The following CACNA2D1 variants were observed in gnomAD, a reference collection of about 807,000 sequenced individuals.
CACNA2D1 encodes the protein calcium voltage-gated channel auxiliary subunit alpha2delta 1.
In CACNA2D1, 53 loss-of-function variants were observed where a neutral mutation model predicts 171.5. The ratio of observed to expected loss-of-function variants is 0.31; its 90% CI spans 0.25 to 0.39. CACNA2D1 has a LOEUF of 0.39. CACNA2D1 is among the 10% of genes least tolerant of loss of function. The probability of loss-of-function intolerance (pLI) is 1.00; values close to 1 mark genes in which losing one functional copy is unlikely to be tolerated. For missense variants in CACNA2D1, 903 were observed against 1,299.8 expected, an observed-to-expected ratio of 0.69 and a Z score of 4.69; for synonymous variants, 442 against 443.1, an observed-to-expected ratio of 1.00 and a Z score of 0.03.
chr7:82,307,489 A>C (rs1054489601), intron 3 of CACNA2D1, among the ~76,000 whole-genome samples: 2 of 150,294 alleles, frequency 1.3e-5, no homozygotes, highest in Admixed American at 1.3e-4. Flanking sequence ...TAACTATATA[A>C]TTTATAAATT....
intron 3 of CACNA2D1, among the ~76,000 whole-genome samples, chr7:82,326,992 C>T (rs767210902): frequency 3.9e-5 from 6 of 152,260 alleles, no homozygotes; most frequent in East Asian, 3.9e-4. Context: ...CTTCGTATTG[C>T]GCCAAGCCAT....
At chr7:82,358,705 C>T (rs1382756201) in intron 1 of CACNA2D1, among the ~76,000 whole-genome samples, 1 of 151,342 alleles carries the variant, frequency 6.6e-6, no homozygotes, top group Non-Finnish European at 1.5e-5. Flanking sequence ...TGTGTGCGTG[C>T]ATCTGTGTGA....
At chr7:82,370,572 T>TGGATGGATGGATGGACGGAC (rs35737652) in intron 1 of CACNA2D1, among the ~76,000 whole-genome samples, 34 of 151,172 alleles carry the variant, frequency 2.2e-4, no homozygotes, top group Admixed American at 1.2e-3. Context: ...GATGGATGGA[T>TGGATGGATGGATGGACGGAC]GGATGGATAG....
At chr7:82,009,456 G>C (rs1416052685) in intron 15 of CACNA2D1, among the ~76,000 whole-genome samples, 1 of 151,968 alleles carries the variant, frequency 6.6e-6, no homozygotes, top group Non-Finnish European at 1.5e-5. Context: ...CCTCAATAAA[G>C]TCAGGCTATA....
intron 12 of CACNA2D1, among the ~76,000 whole-genome samples, chr7:82,014,704 T>C (rs963929715): frequency 6.6e-6 from 1 of 152,138 alleles, no homozygotes; most frequent in Admixed American, 6.6e-5. Context: ...CTGAGTGTCA[T>C]GTTGCATATT....
At chr7:82,438,198 C>G (rs1830245992) in intron 1 of CACNA2D1, among the ~76,000 whole-genome samples, 1 of 152,112 alleles carries the variant, frequency 6.6e-6, no homozygotes, top group Admixed American at 6.6e-5. Flanking sequence ...TAGATTTAAT[C>G]CCTGAAAACA....
chr7:82,145,725 C>T (rs1047679409), intron 4 of CACNA2D1, among the ~76,000 whole-genome samples: 7 of 148,794 alleles, frequency 4.7e-5, no homozygotes, highest in African/African-American at 1.2e-4. Flanking sequence ...TATATATATA[C>T]ACACACATAT....
At chr7:82,044,747 G>A (rs1274434207) in intron 10 of CACNA2D1, among the ~76,000 whole-genome samples, 1 of 152,040 alleles carries the variant, frequency 6.6e-6, no homozygotes, top group Non-Finnish European at 1.5e-5. Context: ...CCAAAATTTT[G>A]GCTGTGCTTG....
intron 1 of CACNA2D1, among the ~76,000 whole-genome samples, chr7:82,426,088 A>T (rs931386774): frequency 6.6e-6 from 1 of 151,574 alleles, no homozygotes; most frequent in Non-Finnish European, 1.5e-5. Flanking sequence ...CCAAGATTGC[A>T]CCACTGCACT....
At chr7:81,980,650 T>C (rs1026632370) in intron 24 of CACNA2D1, among the ~76,000 whole-genome samples, 2 of 152,034 alleles carry the variant, frequency 1.3e-5, no homozygotes, top group African/African-American at 4.8e-5. Context: ...CATTAAGAAA[T>C]ACAGGGTAAA....
intron 10 of CACNA2D1, among the ~76,000 whole-genome samples, chr7:82,059,612 C>G (rs1241205364): frequency 6.6e-6 from 1 of 151,996 alleles, no homozygotes; most frequent in East Asian, 1.9e-4. Flanking sequence ...ATGTGGAATG[C>G]TTTTTATTTA....
chr7:81,988,899 A>G (rs1030366459), intron 21 of CACNA2D1, among the ~76,000 whole-genome samples: 1 of 152,178 alleles, frequency 6.6e-6, no homozygotes, highest in Non-Finnish European at 1.5e-5. Flanking sequence ...AAGTTTCTCT[A>G]TATATGTTTC....
intron 8 of CACNA2D1, among the ~76,000 whole-genome samples, chr7:82,065,799 G>T (rs1483592495): frequency 6.6e-6 from 1 of 151,804 alleles, no homozygotes; most frequent in Non-Finnish European, 1.5e-5. Flanking sequence ...GAAAAGTGTG[G>T]GATACAAAGC....
chr7:82,133,525 T>C (rs1015059616), intron 5 of CACNA2D1, among the ~76,000 whole-genome samples: 3 of 152,354 alleles, frequency 2.0e-5, no homozygotes, highest in South Asian at 2.1e-4. Flanking sequence ...TATCGCACTA[T>C]GTATCAAAAT....
At chr7:82,376,672 C>G (rs1186272055) in intron 1 of CACNA2D1, among the ~76,000 whole-genome samples, 1 of 152,106 alleles carries the variant, frequency 6.6e-6, no homozygotes, top group East Asian at 1.9e-4. Context: ...TATAGAATTT[C>G]CATATAGTAC....
intron 3 of CACNA2D1, among the ~76,000 whole-genome samples, chr7:82,243,648 C>T (rs542444632): frequency 4.6e-5 from 7 of 152,260 alleles, no homozygotes; most frequent in East Asian, 3.9e-4. Flanking sequence ...GGTGTTGTCA[C>T]GATCCCCCTT....
chr7:82,202,306 A>G (rs1035420342), intron 3 of CACNA2D1, among the ~76,000 whole-genome samples: 2 of 151,752 alleles, frequency 1.3e-5, no homozygotes, highest in Non-Finnish European at 2.9e-5. Context: ...GCTGCCCACC[A>G]CTCGTTCACC....
In CACNA2D1 at chr7:81,959,795, A is replaced by G. The variant is rs1252245406; in HGVS notation, c.3001T>C (p.Leu1001=). The change falls in exon 37 of 39, where the codon TTA becomes CTA. Residue 1001 remains leucine, a synonymous_variant. Transcript: ENST00000356860. ...TTGCTCTCAACCATTATGAATATTAAGTTGGTGTTCATAAGCTTTTCTCCA... is the reference window on the plus strand; with the variant it reads ...TTGCTCTCAACCATTATGAATATTAGGTTGGTGTTCATAAGCTTTTCTCCA... ...FHGEKLMNTN[L]IFIMVESKGT... is the part of the protein sequence containing the mutation. 1 of 1,612,542 alleles carries G rather than the reference A, an allele frequency of 6.2e-7. No individual in the cohort carries two copies. The highest frequency in any genetic ancestry group is 1.3e-5 in the African/African-American group (1 of 74,854).
intron 1 of CACNA2D1, among the ~76,000 whole-genome samples, chr7:82,355,106 G>A (rs1397462145): frequency 6.6e-6 from 1 of 152,074 alleles, no homozygotes. Context: ...GACTAAATGA[G>A]GAGGGCTGAG....
Sources: gnomAD v4.1 joint callset for allele counts (sites outside exome capture counted in the v4.1 genomes callset) on GRCh38, gnomAD v4.1.1 for gene constraint, MANE v1.5 for transcripts, NCBI Gene and HGNC (gene_info 2026-07-23, HGNC 2026-07-21) for gene names.